CTNNA2: variants seen among roughly 807,000 people sequenced by gnomAD.
CTNNA2 encodes the protein catenin alpha-2.
CTNNA2 carries 42 observed loss-of-function variants against 101.0 expected under a neutral mutation model. That is an observed-to-expected ratio of 0.42 (90% CI 0.32 to 0.54). CTNNA2 has a LOEUF of 0.54. Among genes scored for constraint, CTNNA2 ranks in the 20% least tolerant of loss-of-function variants. The pLI is 0.14. For missense variants in CTNNA2, 871 were observed against 1,223.1 expected (o/e 0.71, Z 4.29); for synonymous variants, 450 against 456.4 (o/e 0.99, Z 0.18).
chr2:80,392,152 T>G (rs2149365337), intron 7 of CTNNA2, among the ~76,000 whole-genome samples: 1 of 152,294 alleles, frequency 6.6e-6, no homozygotes, highest in South Asian at 2.1e-4. Flanking sequence ...ATGGTAATTT[T>G]TATGCATTGC....
chr2:79,437,321 A>G (rs76190704), intron 4 of CTNNA2, among the ~76,000 whole-genome samples: 10,566 of 152,236 alleles, frequency 0.069, 369 homozygotes, highest in African/African-American at 0.096. Flanking sequence ...TGTAAGTTGC[A>G]CACAATTCAA....
At chr2:79,957,072 A>T (rs1265820534) in intron 7 of CTNNA2, among the ~76,000 whole-genome samples, 1 of 150,960 alleles carries the variant, frequency 6.6e-6, no homozygotes, top group Non-Finnish European at 1.5e-5. Flanking sequence ...GTGATAGAGA[A>T]GCCCCTGAGA....
intron 7 of CTNNA2, among the ~76,000 whole-genome samples, chr2:80,199,331 A>C (rs1444209545): frequency 6.6e-6 from 1 of 152,150 alleles, no homozygotes; most frequent in Non-Finnish European, 1.5e-5. Context: ...ACTTGAAGAC[A>C]TGATCCCTGA....
chr2:80,330,748 A>C (rs956814515), intron 7 of CTNNA2, among the ~76,000 whole-genome samples: 2 of 152,074 alleles, frequency 1.3e-5, no homozygotes, highest in Non-Finnish European at 2.9e-5. Context: ...CTTGTTGTTC[A>C]TTATTGCGTT....
At chr2:80,216,061 C>G (rs1345055668) in intron 7 of CTNNA2, among the ~76,000 whole-genome samples, 1 of 152,218 alleles carries the variant, frequency 6.6e-6, no homozygotes, top group Non-Finnish European at 1.5e-5. Flanking sequence ...CCCTCCGAGC[C>G]AGGCATGGGA....
At chr2:79,894,264 C>G (rs529682656) in intron 6 of CTNNA2, among the ~76,000 whole-genome samples, 2 of 152,214 alleles carry the variant, frequency 1.3e-5, no homozygotes, top group South Asian at 4.1e-4. Context: ...TTCATGAACA[C>G]TGGCTAATCA....
At position 79,389,056 on chromosome 2, in the gene CTNNA2, T is replaced by C. The variant is rs76246335; in HGVS notation, c.-135+15043T>C. 3.0e-3 allele frequency among the ~76,000 whole-genome samples: 451 copies of C among 152,360 alleles called. 2 individuals are homozygous for C. The highest frequency in any genetic ancestry group is 0.01 in the African/African-American group (427 of 41,588). On this transcript the variant is annotated intron_variant, in intron 4 of 21. Coordinates refer to the CTNNA2 transcript ENST00000466387. ...AAAGAATAGTCTTATTTGGAAATTC[T>C]CCAGGTATTTACATAGACAGATATG...
At chr2:79,692,463 A>G (rs1032314572) in intron 2 of CTNNA2, among the ~76,000 whole-genome samples, 3 of 152,098 alleles carry the variant, frequency 2.0e-5, no homozygotes, top group Admixed American at 6.5e-5. Flanking sequence ...ACAGTGTGGC[A>G]TATCCTCAAG....
intron 3 of CTNNA2, among the ~76,000 whole-genome samples, chr2:79,756,761 C>T (rs574779906): frequency 6.6e-6 from 1 of 152,080 alleles, no homozygotes; most frequent in African/African-American, 2.4e-5. Context: ...TGGGTGAAAG[C>T]CCTGAACAGA....
At chr2:80,563,594 T>G (rs934286087) in intron 12 of CTNNA2, among the ~76,000 whole-genome samples, 1 of 152,120 alleles carries the variant, frequency 6.6e-6, no homozygotes, top group Non-Finnish European at 1.5e-5. Context: ...TAGAGTGGTC[T>G]CCAACTCCTA....
chr2:80,163,509 G>A (rs1704469664), intron 7 of CTNNA2, among the ~76,000 whole-genome samples: 1 of 151,924 alleles, frequency 6.6e-6, no homozygotes, highest in Admixed American at 6.6e-5. Context: ...GTTGATGCTG[G>A]TTTTATGACC....
At chr2:80,037,610 G>A (rs1040247731) in intron 7 of CTNNA2, among the ~76,000 whole-genome samples, 1 of 152,154 alleles carries the variant, frequency 6.6e-6, no homozygotes, top group African/African-American at 2.4e-5. Flanking sequence ...AGAAACAAGA[G>A]CATCATGACT....
intron 4 of CTNNA2, among the ~76,000 whole-genome samples, chr2:79,482,179 C>T (rs1408853825): frequency 6.6e-6 from 1 of 152,136 alleles, no homozygotes; most frequent in African/African-American, 2.4e-5. Context: ...ATAGAGACTG[C>T]ATTCTAAATG....
chr2:79,958,879 A>G (rs1248285665), intron 7 of CTNNA2, among the ~76,000 whole-genome samples: 1 of 152,008 alleles, frequency 6.6e-6, no homozygotes, highest in Non-Finnish European at 1.5e-5. Context: ...TTGAGGATTC[A>G]TTCATTCCTA....
At chr2:80,084,569 A>C (rs1322113754) in intron 7 of CTNNA2, among the ~76,000 whole-genome samples, 5 of 152,128 alleles carry the variant, frequency 3.3e-5, no homozygotes, top group African/African-American at 1.2e-4. Flanking sequence ...CGGGAATTAT[A>C]ATAAGTAGTT....
chr2:79,245,501 A>G (rs964817788), intron 2 of CTNNA2, among the ~76,000 whole-genome samples: 1 of 152,162 alleles, frequency 6.6e-6, no homozygotes, highest in Admixed American at 6.5e-5. Context: ...TCTTTTTGCA[A>G]TGAGTCTGTG....
At chr2:80,324,057 C>A (rs780054799) in intron 7 of CTNNA2, among the ~76,000 whole-genome samples, 2 of 152,130 alleles carry the variant, frequency 1.3e-5, no homozygotes, top group African/African-American at 2.4e-5. Context: ...AAACAAATAA[C>A]CTCTCTGAAT....
At chr2:79,393,420 C>T (rs1292189033) in intron 4 of CTNNA2, among the ~76,000 whole-genome samples, 1 of 152,164 alleles carries the variant, frequency 6.6e-6, no homozygotes, top group African/African-American at 2.4e-5. Context: ...CAGCCTCACT[C>T]ATTTGTTTAT....
chr2:80,480,954 C>T (rs1686096352), intron 9 of CTNNA2, among the ~76,000 whole-genome samples: 1 of 152,090 alleles, frequency 6.6e-6, no homozygotes. Flanking sequence ...GGTGGGTGAA[C>T]AGGTGAGTGA....
Sources: allele counts gnomAD v4.1 joint callset (sites outside exome capture counted in the v4.1 genomes callset), GRCh38; gene constraint gnomAD v4.1.1; transcripts MANE v1.5; gene names NCBI Gene and HGNC (gene_info 2026-07-23, HGNC 2026-07-21).